Variants in RASA4B observed in about 807,000 individuals in gnomAD.
RASA4B encodes RAS p21 protein activator 4B.
RASA4B carries 2 observed loss-of-function variants against 24.2 expected under a neutral mutation model. The observed-to-expected ratio is 0.08, with a 90% confidence interval of 0.03 to 0.26. The LOEUF (loss-of-function observed/expected upper bound fraction) is 0.26, where lower values mean the gene tolerates loss of function less well. Ranked by LOEUF, RASA4B falls within the 10% of genes least tolerant of loss-of-function variation. The pLI is 1.00. For synonymous variants in RASA4B, 2 were observed against 125.6 expected (o/e 0.02, Z 6.58); for missense variants, 8 against 277.2 (o/e 0.03, Z 6.90).
intron 17 of RASA4B, among the ~76,000 whole-genome samples, chr7:102,489,775 A>C (rs1346983504): frequency 8.2e-6 from 1 of 121,978 alleles, no homozygotes; most frequent in Non-Finnish European, 1.7e-5. Context: ...CACTATCACA[A>C]TTTGCTTTTT....
chr7:102,489,653 C>T (rs868309656), intron 17 of RASA4B, among the ~76,000 whole-genome samples: 9 of 149,676 alleles, frequency 6.0e-5, no homozygotes, highest in Admixed American at 2.7e-4. Context: ...CCACCACACC[C>T]GGCTACTTTT....
chr7:102,504,790 A>G (rs1167977507), intron 5 of RASA4B, among the ~76,000 whole-genome samples: 3 of 145,540 alleles, frequency 2.1e-5, no homozygotes, highest in African/African-American at 7.9e-5. Context: ...ACCTGAGGGC[A>G]GGAGTTTGAG....
chr7:102,507,536 T>G (rs1226052540), intron 4 of RASA4B, among the ~76,000 whole-genome samples: 5 of 148,440 alleles, frequency 3.4e-5, no homozygotes, highest in African/African-American at 9.9e-5. Context: ...AAAGATGGAG[T>G]CTTGCTATGT....
intron 1 of RASA4B, among the ~76,000 whole-genome samples, chr7:102,512,537 T>G (rs1406790088): frequency 4.2e-3 from 3 of 712 alleles, no homozygotes; most frequent in Non-Finnish European, 7.7e-3. Context: ...GGAGACTGAG[T>G]GAGGGGGTGA....
In RASA4B at chr7:102,480,969, C is replaced by T. The variant is rs1798597918; in HGVS notation, c.*2623G>A. Among the ~76,000 whole-genome samples the T allele has an allele frequency of 2.2e-5, 2 of 89,692 alleles. No individual in the cohort carries two copies. Among genetic ancestry groups the T allele is most frequent in the South Asian group, 3.0e-4 (1 of 3,286 alleles). 58.8% of individuals were successfully genotyped at this position (89,692 alleles called of 152,430 possible). ...TACAAAATTAATAATTCCAATCATC[C>T]TATAGTTGATTAGTGTTCAAATTTC... On this transcript the variant is annotated 3_prime_UTR_variant, in exon 21 of 21. Transcript: ENST00000465829.
intron 8 of RASA4B, among the ~76,000 whole-genome samples, 183 bp downstream of exon 8, chr7:102,500,516 G>C (rs6954200): frequency 4.0e-4 from 57 of 141,684 alleles, no homozygotes; most frequent in East Asian, 1.9e-3. Context: ...TAAAGGGGAG[G>C]TGGAGCCCAG....
intron 8 of RASA4B, 149 bp downstream of exon 8, chr7:102,500,550 A>G (rs1297045294): frequency 6.4e-5 from 14 of 220,034 alleles, no homozygotes; most frequent in African/African-American, 3.4e-4. Context: ...GATGCTGGCT[A>G]GGTGGGCAGG....
chr7:102,497,046 C>A, intron 8 of RASA4B, 82 bp from the exon 9 acceptor site: 1 of 1,569,362 alleles, frequency 6.4e-7, no homozygotes, highest in Non-Finnish European at 8.7e-7. Context: ...CCAGTTTTTT[C>A]CCTTGGGGCC....
At chr7:102,502,759 CAA>C (rs879529595) in intron 6 of RASA4B, among the ~76,000 whole-genome samples, 1 of 107,602 alleles carries the variant, frequency 9.3e-6, no homozygotes, top group Admixed American at 1.0e-4. Flanking sequence ...GACTTGGCCT[CAA>C]AAAAAAAAAA....
intron 4 of RASA4B, among the ~76,000 whole-genome samples, chr7:102,507,589 C>CA (rs1238497372): frequency 6.6e-6 from 1 of 152,212 alleles, no homozygotes; most frequent in African/African-American, 2.4e-5. Flanking sequence ...GCCATCCTCC[C>CA]ACCTCAGCCT....
intron 4 of RASA4B, among the ~76,000 whole-genome samples, chr7:102,507,232 C>CAAA (rs766013501): frequency 4.1e-4 from 5 of 12,088 alleles, no homozygotes; most frequent in African/African-American, 6.9e-4. Context: ...GACCCCATCT[C>CAAA]AAAAAAAAAA....
chr7:102,489,781 T>C (rs1483979890), intron 17 of RASA4B, among the ~76,000 whole-genome samples: 1 of 37,666 alleles, frequency 2.7e-5, no homozygotes, highest in African/African-American at 1.4e-4. Flanking sequence ...CACAATTTGC[T>C]TTTTTTTTTT....
At position 102,484,694 on chromosome 7, in the gene RASA4B, G is replaced by A. The variant is rs1460289754; in HGVS notation, c.2225+345C>T. 5.3e-4 allele frequency among the ~76,000 whole-genome samples: 73 copies of A among 138,428 alleles called. 1 individual carries two copies. The highest frequency in any genetic ancestry group is 1.8e-3 in the African/African-American group (71 of 39,886). The allele number at this position is 138,428 out of a possible 152,430, so 90.8% of individuals were successfully genotyped here. A position where few individuals can be genotyped will look rare whatever the true frequency, so the allele number is the denominator to read the frequency against. The stretch of plus-strand genomic sequence containing the variant: ...TGTTTTTTAAAGCTGATCTTTAAAA[G>A]CATCCTGTTTTTCCTAAGCTTCTGC... On this transcript the variant is annotated intron_variant, in intron 19 of 20. Transcript: ENST00000465829.
intron 8 of RASA4B, among the ~76,000 whole-genome samples, chr7:102,498,374 T>C (rs1435349316): frequency 7.4e-6 from 1 of 134,754 alleles, no homozygotes; most frequent in East Asian, 2.4e-4. Context: ...CAATTCTCCA[T>C]CCTCAGCCTC....
chr7:102,506,095 C>A (rs1799490914), intron 5 of RASA4B, among the ~76,000 whole-genome samples: 1 of 151,110 alleles, frequency 6.6e-6, no homozygotes, highest in East Asian at 2.0e-4. Flanking sequence ...AGTTCGGGGT[C>A]TCCTCACCCG....
At chr7:102,504,793 A>G (rs1427479542) in intron 5 of RASA4B, among the ~76,000 whole-genome samples, 3 of 144,518 alleles carry the variant, frequency 2.1e-5, no homozygotes, top group African/African-American at 5.4e-5. Flanking sequence ...TGAGGGCAGG[A>G]GTTTGAGACC....
At chr7:102,492,713 G>A (rs1413385103) in intron 16 of RASA4B, among the ~76,000 whole-genome samples, 2 of 116,276 alleles carry the variant, frequency 1.7e-5, no homozygotes, top group Admixed American at 9.4e-5. Context: ...TGCCCAGGTT[G>A]GAGTGCAGTG....
intron 17 of RASA4B, among the ~76,000 whole-genome samples, chr7:102,489,579 A>G (rs1158751220): frequency 2.0e-5 from 3 of 146,994 alleles, no homozygotes; most frequent in African/African-American, 7.4e-5. Flanking sequence ...TGCAACCTCC[A>G]CCTCCCAGGT....
chr7:102,489,649 C>T (rs1238063038), intron 17 of RASA4B, among the ~76,000 whole-genome samples: 94 of 149,426 alleles, frequency 6.3e-4, no homozygotes, highest in African/African-American at 2.2e-3. Flanking sequence ...CCCACCACCA[C>T]ACCCGGCTAC....
Sources: allele counts gnomAD v4.1 joint callset (sites outside exome capture counted in the v4.1 genomes callset), GRCh38; gene constraint gnomAD v4.1.1; transcripts MANE v1.5; gene names NCBI Gene and HGNC (gene_info 2026-07-23, HGNC 2026-07-21).